C6orf62: variants seen among roughly 807,000 people sequenced by gnomAD.
C6orf62 encodes chromosome 6 open reading frame 62.
A neutral mutation model predicts 26.8 loss-of-function variants in C6orf62; 16 were observed. That is an observed-to-expected ratio of 0.60 (90% CI 0.40 to 0.91). C6orf62 has a LOEUF of 0.91. Ranked by LOEUF, C6orf62 falls within the 40% of genes least tolerant of loss-of-function variation. The pLI is 0.00. For missense variants in C6orf62, 192 were observed against 271.4 expected, an observed-to-expected ratio of 0.71 and a Z score of 2.06; for synonymous variants, 112 against 91.5, an observed-to-expected ratio of 1.22 and a Z score of -1.28.
chr6:24,714,846 T>C (rs1187544917), intron 2 of C6orf62, among the ~76,000 whole-genome samples: 1 of 152,196 alleles, frequency 6.6e-6, no homozygotes, highest in African/African-American at 2.4e-5. Flanking sequence ...CTCGAACTCC[T>C]GACCTCAGGT....
chr6:24,717,820 A>G (rs1779263678), intron 1 of C6orf62, among the ~76,000 whole-genome samples: 1 of 152,244 alleles, frequency 6.6e-6, no homozygotes, highest in Non-Finnish European at 1.5e-5. Context: ...ATTTAAGAAA[A>G]TGTTCATTTT....
At chr6:24,710,966 T>C (rs1020184639) in intron 3 of C6orf62, among the ~76,000 whole-genome samples, 1 of 151,970 alleles carries the variant, frequency 6.6e-6, no homozygotes, top group African/African-American at 2.4e-5. Flanking sequence ...CACTCCAGCC[T>C]GGATGACAGA....
intron 1 of C6orf62, among the ~76,000 whole-genome samples, chr6:24,716,727 T>C (rs1365424152): frequency 6.6e-6 from 1 of 152,022 alleles, no homozygotes; most frequent in Non-Finnish European, 1.5e-5. Flanking sequence ...TTCTGGTTTT[T>C]CTTTTTTTTT....
At chr6:24,716,437 G>A (rs1209630595) in intron 1 of C6orf62, 113 bp from the exon 2 acceptor site, 2 of 724,616 alleles carry the variant, frequency 2.8e-6, no homozygotes, top group African/African-American at 1.8e-5. Context: ...ACTGTCTGCA[G>A]TAACTTATAC....
chr6:24,711,304 C>T (rs1331699029), intron 3 of C6orf62, among the ~76,000 whole-genome samples: 1 of 151,910 alleles, frequency 6.6e-6, no homozygotes, highest in Non-Finnish European at 1.5e-5. Context: ...AAGTAATTCC[C>T]ACAGAAGTAA....
In C6orf62 at chr6:24,718,716, A is replaced by G. The variant is rs1006904837; in HGVS notation, c.-48T>C. On this transcript the variant is annotated 5_prime_UTR_variant, in exon 1 of 5. Coordinates refer to ENST00000378119, the MANE Select transcript of C6orf62 (RefSeq NM_030939.5). ...AGCCTTTGGAAATTGTCACTAAACT[A>G]TGGGCACTTTTTCTTAAGACTCAAG... 2 of 1,601,124 alleles carry G rather than the reference A, an allele frequency of 1.2e-6. No homozygotes were observed. Among genetic ancestry groups the G allele is most frequent in the Admixed American group, 3.6e-5 (2 of 55,818 alleles).
At chr6:24,713,413 CAATT>C (rs1220668787) in intron 3 of C6orf62, among the ~76,000 whole-genome samples, 3 of 152,102 alleles carry the variant, frequency 2.0e-5, no homozygotes, top group Non-Finnish European at 4.4e-5. Flanking sequence ...GAGAGTATAT[CAATT>C]TATACAGTCT....
Position 24,712,750 on chromosome 6 carries a change from A to G in C6orf62, c.429+1568T>C, listed in dbSNP as rs535094090. The stretch of plus-strand genomic sequence containing the variant: ...AGTCAACTCTCAATAAACATCAGCC[A>G]TGACTTCAAAGAGTACTATTTGACA... On this transcript the variant is annotated intron_variant, in intron 3 of 4. Coordinates refer to ENST00000378119, the MANE Select transcript of C6orf62 (RefSeq NM_030939.5). Among the ~76,000 whole-genome samples the G allele has an allele frequency of 2.0e-5, 3 of 151,624 alleles. No homozygotes were observed. In the South Asian group the frequency reaches 6.3e-4, roughly 32 times the overall value.
At chr6:24,710,299 C>T (rs1414180400) in intron 3 of C6orf62, 1 of 942,884 alleles carries the variant, frequency 1.1e-6, no homozygotes, top group Non-Finnish European at 1.3e-6. Context: ...GAATTTCGCT[C>T]TTGTTGCCCA....
In C6orf62 at chr6:24,718,792, A is replaced by G; in HGVS notation, c.-124T>C. The G allele has an allele frequency of 6.4e-7, 1 of 1,550,786 alleles. No individual in the cohort carries two copies. ...TCCTGCTAATATGATTGATTAGCGA[A>G]AATCACGACTATAACCCAAAAACTG... On this transcript the variant is annotated 5_prime_UTR_variant, in exon 1 of 5. Transcript: ENST00000378119.
intron 3 of C6orf62, chr6:24,710,171 T>C (rs1484584190): frequency 6.1e-6 from 6 of 980,150 alleles, no homozygotes; most frequent in South Asian, 4.8e-5. Context: ...AAGGGGCTTA[T>C]TATACTGCTG....
intron 2 of C6orf62, 25 bp from the exon 3 acceptor site, chr6:24,714,465 A>C (rs756669011): frequency 1.4e-6 from 2 of 1,468,534 alleles, no homozygotes; most frequent in Admixed American, 2.2e-5. Flanking sequence ...AAAAAAAAAA[A>C]GTTTACTTTT....
In C6orf62 at chr6:24,712,467, G is replaced by A. The variant is rs566670353; in HGVS notation, c.429+1851C>T. Among the ~76,000 whole-genome samples, 451 of 152,028 alleles carry A rather than the reference G, an allele frequency of 3.0e-3. 2 individuals carry two copies. The highest frequency in any genetic ancestry group is 5.3e-3 in the Non-Finnish European group (360 of 67,954). ...GGGTGAATCACGAGGTCAAGAGATC[G>A]AGACCATCCCGGCCAACATGGTGAA... On this transcript the variant is annotated intron_variant, in intron 3 of 4. Coordinates refer to ENST00000378119, the MANE Select transcript of C6orf62 (RefSeq NM_030939.5).
In C6orf62 at chr6:24,718,609, T is replaced by C. The variant is rs1779286323; in HGVS notation, c.60A>G (p.Arg20=). ...QALNRLRAQL[R]KKKESLADQF... is the part of the protein sequence containing the mutation. ...GGTCAGCTAGAGATTCTTTTTTCTT[T>C]CTAAGCTGAGCACGTAGTCTGTTCA... The change falls in exon 1 of 5, where the codon AGA becomes AGG. Residue 20 remains arginine (R), a synonymous_variant. Transcript: ENST00000378119. 1 of 1,614,108 alleles carries C rather than the reference T, an allele frequency of 6.2e-7. No individual in the cohort carries two copies. Among genetic ancestry groups the C allele is most frequent in the African/African-American group, 1.3e-5 (1 of 75,076 alleles).
chr6:24,712,687 T>C (rs1779144786), intron 3 of C6orf62, among the ~76,000 whole-genome samples: 2 of 61,900 alleles, frequency 3.2e-5, no homozygotes, highest in Admixed American at 1.9e-4. Context: ...TGAGACTCTG[T>C]CTCAAAAAAA....
At chr6:24,708,749 G>A (rs778445485) in intron 4 of C6orf62, 28 bp downstream of exon 4, 2 of 1,613,988 alleles carry the variant, frequency 1.2e-6, no homozygotes, top group East Asian at 2.2e-5. Flanking sequence ...GAATGAGCCT[G>A]TAAGTGGTTT....
At chr6:24,707,652 G>GAAGT (rs1344783707) in intron 4 of C6orf62, among the ~76,000 whole-genome samples, 1 of 152,072 alleles carries the variant, frequency 6.6e-6, no homozygotes, top group African/African-American at 2.4e-5. Flanking sequence ...TGCCCAAATG[G>GAAGT]AAGTGCTTAT....
chr6:24,713,108 C>T (rs1030569126), intron 3 of C6orf62, among the ~76,000 whole-genome samples: 15 of 152,246 alleles, frequency 9.9e-5, no homozygotes, highest in African/African-American at 2.6e-4. Context: ...GTAAGTTACA[C>T]GTATTTTAAA....
Position 24,708,818 on chromosome 6 carries a change from T to C in C6orf62, c.523A>G (p.Asn175Asp). Residue 175 changes from asparagine to aspartate, a missense_variant, in exon 4 of 5, where the codon AAC (asparagine) becomes GAC (aspartate). Asn to Asp is a conservative substitution (Grantham distance 23, BLOSUM62 1). Coordinates refer to ENST00000378119, the MANE Select transcript of C6orf62 (RefSeq NM_030939.5). ...DKTGIVVNNP[N>D]QSVFLFIDRQ... ...TCAATGAAGAGAAACACTGACTGGT[T>C]AGGATTGTTGACAACGATTCCAGTC... 1.2e-6 allele frequency: 2 copies of C among 1,614,210 alleles called. No homozygotes were observed. Among genetic ancestry groups the C allele is most frequent in the Non-Finnish European group, 1.7e-6 (2 of 1,180,046 alleles).
Sources: gnomAD v4.1 joint callset for allele counts (sites outside exome capture counted in the v4.1 genomes callset) on GRCh38, gnomAD v4.1.1 for gene constraint, MANE v1.5 for transcripts, NCBI Gene and HGNC (gene_info 2026-07-23, HGNC 2026-07-21) for gene names.